Variants in PIP5K1B observed in about 807,000 individuals in gnomAD.
The protein encoded by PIP5K1B is phosphatidylinositol 4-phosphate 5-kinase type-1 beta.
PIP5K1B carries 42 observed loss-of-function variants against 67.0 expected under a neutral mutation model. The observed-to-expected ratio is 0.63, with a 90% CI of 0.49 to 0.81. The LOEUF is 0.81. Among genes scored for constraint, PIP5K1B ranks in the 30% least tolerant of loss-of-function variants. The pLI, the probability that PIP5K1B is intolerant of heterozygous loss-of-function variation, is 0.00. For synonymous variants in PIP5K1B, 214 were observed against 231.4 expected, an observed-to-expected ratio of 0.92 and a Z score of 0.68; for missense variants, 459 against 646.3, an observed-to-expected ratio of 0.71 and a Z score of 3.14.
At chr9:68,872,545 A>T (rs538826609) in intron 5 of PIP5K1B, among the ~76,000 whole-genome samples, 1 of 152,322 alleles carries the variant, frequency 6.6e-6, no homozygotes, top group African/African-American at 2.4e-5. Context: ...AATTTTGTGA[A>T]TGATAATACA....
At chr9:68,868,966 G>A (rs967646553) in intron 5 of PIP5K1B, among the ~76,000 whole-genome samples, 2 of 152,122 alleles carry the variant, frequency 1.3e-5, no homozygotes, top group African/African-American at 2.4e-5. Context: ...AAGAAACTAC[G>A]GCAAGGGTAA....
At chr9:68,903,170 C>T (rs1825449289) in intron 8 of PIP5K1B, among the ~76,000 whole-genome samples, 1 of 152,138 alleles carries the variant, frequency 6.6e-6, no homozygotes, top group African/African-American at 2.4e-5. Flanking sequence ...ACTGTGGAAC[C>T]TCATTTTCCC....
chr9:68,876,859 A>T (rs1823923734), intron 6 of PIP5K1B, 65 bp downstream of exon 6: 1 of 841,736 alleles, frequency 1.2e-6, no homozygotes, highest in Non-Finnish European at 2.1e-6. Context: ...TCTCATAGCA[A>T]CAGCAACAAG....
chr9:68,770,064 ATTTC>A (rs1440745398), intron 2 of PIP5K1B, among the ~76,000 whole-genome samples: 1 of 151,992 alleles, frequency 6.6e-6, no homozygotes, highest in African/African-American at 2.4e-5. Flanking sequence ...AACAGTCCTT[ATTTC>A]TTCAGCATTT....
At chr9:68,773,809 G>C (rs566768146) in intron 2 of PIP5K1B, among the ~76,000 whole-genome samples, 2 of 152,162 alleles carry the variant, frequency 1.3e-5, no homozygotes, top group Admixed American at 6.5e-5. Flanking sequence ...TAACATAGAG[G>C]GTGTCTGTAC....
chr9:68,938,890 C>A (rs1340192661), intron 13 of PIP5K1B, among the ~76,000 whole-genome samples: 1 of 152,212 alleles, frequency 6.6e-6, no homozygotes, highest in East Asian at 1.9e-4. Flanking sequence ...CTTTGTCTCT[C>A]TGACTTCTTG....
intron 8 of PIP5K1B, among the ~76,000 whole-genome samples, chr9:68,903,848 G>A (rs1023687125): frequency 6.6e-6 from 1 of 152,112 alleles, no homozygotes; most frequent in Admixed American, 6.6e-5. Flanking sequence ...AACTTAACAT[G>A]TAAAACAAAT....
intron 7 of PIP5K1B, 75 bp from the exon 8 acceptor site, chr9:68,894,264 A>C: frequency 1.1e-6 from 1 of 911,108 alleles, no homozygotes; most frequent in Non-Finnish European, 1.7e-6. Context: ...ATCAGCATGA[A>C]AACACATCTT....
intron 8 of PIP5K1B, among the ~76,000 whole-genome samples, chr9:68,913,652 C>T (rs996314738): frequency 5.3e-5 from 8 of 152,092 alleles, no homozygotes; most frequent in African/African-American, 1.9e-4. Flanking sequence ...TTTTTCCCAA[C>T]CCAAACTCTA....
At chr9:69,001,224 AT>A (rs1830812647) in intron 15 of PIP5K1B, among the ~76,000 whole-genome samples, 1 of 151,654 alleles carries the variant, frequency 6.6e-6, no homozygotes, top group African/African-American at 2.4e-5. Flanking sequence ...GCAGCTTCTA[AT>A]TTCCACCCTC....
At chr9:68,720,490 T>A (rs1023363530) in intron 1 of PIP5K1B, among the ~76,000 whole-genome samples, 1 of 152,198 alleles carries the variant, frequency 6.6e-6, no homozygotes, top group Non-Finnish European at 1.5e-5. Context: ...ACTGTTTTTA[T>A]CAAACACACC....
At chr9:68,863,427 A>G (rs1187147124) in intron 4 of PIP5K1B, among the ~76,000 whole-genome samples, 1 of 152,094 alleles carries the variant, frequency 6.6e-6, no homozygotes, top group African/African-American at 2.4e-5. Context: ...ACACACACAC[A>G]CGCACACACA....
intron 15 of PIP5K1B, among the ~76,000 whole-genome samples, chr9:69,004,028 A>G (rs1442389916): frequency 1.3e-5 from 2 of 152,186 alleles, no homozygotes; most frequent in African/African-American, 2.4e-5. Flanking sequence ...ATTTAATTGT[A>G]ATATTGAAAA....
At chr9:68,725,938 A>T (rs1211735901) in intron 1 of PIP5K1B, among the ~76,000 whole-genome samples, 3 of 152,200 alleles carry the variant, frequency 2.0e-5, no homozygotes, top group Admixed American at 6.5e-5. Context: ...TGCCTTGCAT[A>T]CAAGGATGAT....
At chr9:68,813,103 C>G (rs910344119) in intron 2 of PIP5K1B, among the ~76,000 whole-genome samples, 1 of 152,136 alleles carries the variant, frequency 6.6e-6, no homozygotes, top group Non-Finnish European at 1.5e-5. Flanking sequence ...CTGCATTGGC[C>G]AAGAGCTCTA....
At chr9:68,897,773 C>A (rs1377794414) in intron 8 of PIP5K1B, among the ~76,000 whole-genome samples, 2 of 152,176 alleles carry the variant, frequency 1.3e-5, no homozygotes, top group African/African-American at 4.8e-5. Flanking sequence ...AGCCTCTTAA[C>A]CTATGGCTGA....
intron 6 of PIP5K1B, among the ~76,000 whole-genome samples, chr9:68,878,038 T>TGTGTGTGTGTGG (rs1823991476): frequency 6.6e-6 from 1 of 151,948 alleles, no homozygotes; most frequent in Non-Finnish European, 1.5e-5. Context: ...TGTGTGTGTG[T>TGTGTGTGTGTGG]GTGTGTGTGT....
At chr9:68,979,884 C>T (rs532677658) in intron 14 of PIP5K1B, among the ~76,000 whole-genome samples, 1 of 152,308 alleles carries the variant, frequency 6.6e-6, no homozygotes, top group South Asian at 2.1e-4. Flanking sequence ...TGGGGAAGAG[C>T]AGCAGCCATG....
intron 14 of PIP5K1B, among the ~76,000 whole-genome samples, chr9:68,954,231 A>C (rs547540352): frequency 6.6e-6 from 1 of 152,228 alleles, no homozygotes; most frequent in African/African-American, 2.4e-5. Flanking sequence ...TATGCCTTTC[A>C]GACTCCTAAA....
Sources: allele counts gnomAD v4.1 joint callset (sites outside exome capture counted in the v4.1 genomes callset), GRCh38; gene constraint gnomAD v4.1.1; transcripts MANE v1.5; gene names NCBI Gene and HGNC (gene_info 2026-07-23, HGNC 2026-07-21).